Variants in TREML4 observed in about 807,000 individuals in gnomAD.
TREML4 encodes trem-like transcript 4 protein.
TREML4 carries 25 observed loss-of-function variants against 25.4 expected under a neutral mutation model. That is an observed-to-expected ratio of 0.98 (90% confidence interval 0.72 to 1.37). The LOEUF (loss-of-function observed/expected upper bound fraction) is 1.37. Among genes scored for constraint, TREML4 ranks in the 40% most tolerant of loss-of-function variants. The pLI is 0.00. For missense variants in TREML4, 268 were observed against 236.5 expected (o/e 1.13, Z -0.87); for synonymous variants, 92 against 87.9 (o/e 1.05, Z -0.26).
rs201430526 is a variant in TREML4, at chr6:41,237,727, G to A, written c.*708G>A. ...GATCTAGAAGTAAAAGAAAAAATTA[G>A]ATGCGTTAAAATGACATGAGCAGGC... On this transcript the variant is annotated 3_prime_UTR_variant, in exon 6 of 6. Coordinates refer to ENST00000341495, the MANE Select transcript of TREML4 (RefSeq NM_198153.3). 1.3e-5 allele frequency: 2 copies of A among 152,196 alleles called. No individual in the cohort carries two copies. The highest frequency in any genetic ancestry group is 1.9e-4 in the East Asian group (1 of 5,202). The allele number at this position is 152,196 out of a possible 1,614,324, so 9.4% of individuals were successfully genotyped here. A position where few individuals can be genotyped will look rare whatever the true frequency, so the allele number is the denominator to read the frequency against.
intron 4 of TREML4, among the ~76,000 whole-genome samples, chr6:41,234,364 A>AAAGC (rs1766860312): frequency 6.6e-6 from 1 of 152,050 alleles, no homozygotes; most frequent in Non-Finnish European, 1.5e-5. Context: ...ATTTCAAATT[A>AAAGC]ATGAGCTAAG....
intron 2 of TREML4, 129 bp from the exon 3 acceptor site, chr6:41,229,392 A>G: frequency 1.0e-6 from 1 of 971,378 alleles, no homozygotes; most frequent in South Asian, 1.3e-5. Flanking sequence ...GATCTTAGGC[A>G]CAGACCACTC....
intron 4 of TREML4, chr6:41,231,207 T>C: frequency 7.1e-6 from 2 of 281,556 alleles, no homozygotes; most frequent in South Asian, 3.0e-5. Flanking sequence ...ATAAATATAA[T>C]GTGCTTTAAT....
intron 4 of TREML4, among the ~76,000 whole-genome samples, chr6:41,230,613 C>A (rs1001267993): frequency 6.6e-6 from 1 of 152,136 alleles, no homozygotes; most frequent in Non-Finnish European, 1.5e-5. Flanking sequence ...TCTAGGGGAC[C>A]ATGGAGCACA....
chr6:41,228,423 C>G lies in TREML4; in HGVS notation c.-5C>G. The stretch of plus-strand genomic sequence containing the variant: ...CTCCGCTGTCAGAAACAGATCTGGG[C>G]TGGAATGGCCTGGGGTGGGGTCCAC... On this transcript the variant is annotated 5_prime_UTR_variant, in exon 1 of 6. Transcript: ENST00000341495. 1 of 1,608,566 alleles carries G rather than the reference C, an allele frequency of 6.2e-7. No individual in the cohort carries two copies. Among genetic ancestry groups the G allele is most frequent in the Non-Finnish European group, 8.5e-7 (1 of 1,177,522 alleles).
chr6:41,230,972 T>C (rs549277235), intron 4 of TREML4: 43 of 164,868 alleles, frequency 2.6e-4, no homozygotes, highest in Non-Finnish European at 4.4e-4. Context: ...ATTCTCATAG[T>C]AGCATGAGCC....
At chr6:41,234,532 A>AAAC (rs34175176) in intron 4 of TREML4, among the ~76,000 whole-genome samples, 127,522 of 151,496 alleles carry the variant, frequency 0.84, 54,443 homozygotes, top group East Asian at 0.95. Flanking sequence ...GATAATAAAT[A>AAAC]AACAAATCAA....
Position 41,228,474 on chromosome 6 carries a change from G to A in TREML4, c.47G>A (p.Cys16Tyr), listed in dbSNP as rs149274593. The stretch of plus-strand genomic sequence containing the variant: ...ACCTGCTGCTTCCACCTGTGCTGCT[G>A]CTGCTCCTGGCCTCAGGTGACATGG... ...VHTCCFHLCC[C>Y]CSWPQGAVPE... The change falls in exon 1 of 6, where the codon TGC becomes TAC. Residue 16 changes from cysteine (C) to tyrosine (Y), a missense_variant. Cys to Tyr is a radical substitution (Grantham distance 194). Transcript: ENST00000341495. The A allele has an allele frequency of 8.1e-6, 13 of 1,612,932 alleles. No homozygotes were observed. In the Admixed American group the frequency reaches 1.0e-4, roughly 12 times the overall value.
chr6:41,229,140 C>A, intron 2 of TREML4, 96 bp downstream of exon 2: 1 of 1,128,112 alleles, frequency 8.9e-7, no homozygotes, highest in Non-Finnish European at 1.3e-6. Context: ...CATCCCCCAT[C>A]CTGCCAGGTA....
intron 4 of TREML4, among the ~76,000 whole-genome samples, chr6:41,233,513 A>T (rs1766840244): frequency 6.6e-6 from 1 of 152,204 alleles, no homozygotes; most frequent in African/African-American, 2.4e-5. Context: ...AGACAAAGAT[A>T]TGTAATATAT....
At position 41,229,581 on chromosome 6, in the gene TREML4, A is replaced by C. The variant is rs1175214683; in HGVS notation, c.445+10A>C. 3 of 1,613,528 alleles carry C rather than the reference A, an allele frequency of 1.9e-6. No homozygotes were observed. Among genetic ancestry groups the C allele is most frequent in the Non-Finnish European group, 2.5e-6 (3 of 1,179,778 alleles). ...CTCCCAACAAGCACAGGTAGGTTGG[A>C]GGCCTCGGTGGGGGAAGATTAGAAG... On this transcript the variant is annotated intron_variant, in intron 3 of 5. Coordinates refer to ENST00000341495, the MANE Select transcript of TREML4 (RefSeq NM_198153.3).
At chr6:41,236,833 C>A (rs1015784411) in intron 5 of TREML4, among the ~76,000 whole-genome samples, 5 of 152,094 alleles carry the variant, frequency 3.3e-5, no homozygotes, top group African/African-American at 9.7e-5. Flanking sequence ...CAGGGCTCTG[C>A]CTCTGTCTCT....
chr6:41,232,763 T>A (rs1453380886), intron 4 of TREML4, among the ~76,000 whole-genome samples: 1 of 152,100 alleles, frequency 6.6e-6, no homozygotes, highest in East Asian at 1.9e-4. Context: ...GCCCCATTCA[T>A]AATAGGGTTC....
chr6:41,236,705 C>A, intron 5 of TREML4, 88 bp downstream of exon 5: 2 of 709,244 alleles, frequency 2.8e-6, no homozygotes, highest in Non-Finnish European at 4.8e-6. Flanking sequence ...GCAGCCAGGT[C>A]ACAGAGGCAG....
chr6:41,230,182 C>T, intron 4 of TREML4, 60 bp downstream of exon 4: 1 of 1,409,950 alleles, frequency 7.1e-7, no homozygotes, highest in Admixed American at 1.7e-5. Context: ...CTGATTAGCT[C>T]CTGAACCTTG....
chr6:41,233,511 A>G (rs1314201227), intron 4 of TREML4, among the ~76,000 whole-genome samples: 1 of 152,208 alleles, frequency 6.6e-6, no homozygotes, highest in Admixed American at 6.5e-5. Context: ...AAAGACAAAG[A>G]TATGTAATAT....
rs1766723496 is a variant in TREML4 at position 41,228,611 on chromosome 6, C to T, written c.64-103C>T. On this transcript the variant is annotated intron_variant, in intron 1 of 5. Transcript: ENST00000341495. ...TTAGGGGCCCTCTTCCATGTGTGGGCATCAGAACTAGTTCCCCCTCCCCTT... is the reference window on the plus strand; with the variant it reads ...TTAGGGGCCCTCTTCCATGTGTGGGTATCAGAACTAGTTCCCCCTCCCCTT... 2.2e-5 allele frequency: 33 copies of T among 1,485,426 alleles called. No homozygotes were observed. In the South Asian group the frequency reaches 3.7e-4, roughly 16 times the overall value. 92.0% of individuals were successfully genotyped at this position (1,485,426 alleles called of 1,614,324 possible).
Position 41,230,644 on chromosome 6 carries a change from A to G in TREML4, c.506+522A>G, listed in dbSNP as rs184083364. Among the ~76,000 whole-genome samples, 130 of 152,298 alleles carry G rather than the reference A, an allele frequency of 8.5e-4. 1 individual carries two copies. Among genetic ancestry groups the G allele is most frequent in the Middle Eastern group, 6.8e-3 (2 of 294 alleles). On this transcript the variant is annotated intron_variant, in intron 4 of 5. Transcript: ENST00000341495. The stretch of plus-strand genomic sequence containing the variant: ...GCACAGCAAAAGACATGAGCGATTG[A>G]TGAAAATAGACAACTAACTGCCAGA...
intron 3 of TREML4, 21 bp from the exon 4 acceptor site, chr6:41,230,041 T>C (rs772012161): frequency 6.2e-7 from 1 of 1,600,076 alleles, no homozygotes; most frequent in East Asian, 2.2e-5. Context: ...GCAGCCACTG[T>C]CTTCTTTGTG....
Sources: gnomAD v4.1 joint callset for allele counts (sites outside exome capture counted in the v4.1 genomes callset) on GRCh38, gnomAD v4.1.1 for gene constraint, MANE v1.5 for transcripts, NCBI Gene and HGNC (gene_info 2026-07-23, HGNC 2026-07-21) for gene names.